TRAF3: variants seen among roughly 807,000 people sequenced by gnomAD.
TRAF3 encodes TNF receptor associated factor 3, also known as TNF receptor-associated factor 3.
Under a neutral mutation model 62.3 loss-of-function variants are expected in TRAF3, and 13 were observed. The ratio of observed to expected loss-of-function variants is 0.21; its 90% CI spans 0.14 to 0.33. The LOEUF is 0.33. Among genes scored for constraint, TRAF3 ranks in the 10% least tolerant of loss-of-function variants. The pLI is 1.00. For synonymous variants in TRAF3, 269 were observed against 283.4 expected, an observed-to-expected ratio of 0.95 and a Z score of 0.51; for missense variants, 440 against 741.8, an observed-to-expected ratio of 0.59 and a Z score of 4.73.
At chr14:102,807,670 A>C (rs1373069523) in intron 1 of TRAF3, among the ~76,000 whole-genome samples, 1 of 152,074 alleles carries the variant, frequency 6.6e-6, no homozygotes, top group Admixed American at 6.5e-5. Context: ...TTTTTCTGTC[A>C]GTTATTTTTT....
chr14:102,853,930 C>G (rs1379525572), intron 2 of TRAF3, among the ~76,000 whole-genome samples: 1 of 152,084 alleles, frequency 6.6e-6, no homozygotes, highest in Admixed American at 6.6e-5. Context: ...TACCACTAAG[C>G]AGGCACTCTC....
At chr14:102,822,309 A>G (rs1016577370) in intron 1 of TRAF3, among the ~76,000 whole-genome samples, 1 of 152,218 alleles carries the variant, frequency 6.6e-6, no homozygotes, top group East Asian at 1.9e-4. Context: ...AGTATTTACA[A>G]AAACTGAAGC....
At chr14:102,846,385 AG>A in intron 2 of TRAF3, among the ~76,000 whole-genome samples, 1 of 152,336 alleles carries the variant, frequency 6.6e-6, no homozygotes, top group Non-Finnish European at 1.5e-5. Flanking sequence ...CAAAGAAAAA[AG>A]CAAGACAAGA....
At chr14:102,837,154 G>GGA (rs1886074084) in intron 2 of TRAF3, among the ~76,000 whole-genome samples, 1 of 150,868 alleles carries the variant, frequency 6.6e-6, no homozygotes, top group Non-Finnish European at 1.5e-5. Flanking sequence ...TTTTTTTGGG[G>GGA]GGGGGTGAAG....
chr14:102,816,129 G>T (rs892593377), intron 1 of TRAF3, among the ~76,000 whole-genome samples: 15 of 151,372 alleles, frequency 9.9e-5, no homozygotes, highest in African/African-American at 3.6e-4. Context: ...AAGAAACAGG[G>T]TCTCACTCTG....
At chr14:102,871,295 A>C (rs1188949792) in intron 3 of TRAF3, among the ~76,000 whole-genome samples, 1 of 152,224 alleles carries the variant, frequency 6.6e-6, no homozygotes, top group Non-Finnish European at 1.5e-5. Context: ...ATAGTCAGCT[A>C]ACCTTTGCCC....
chr14:102,831,559 G>A (rs1290646054), intron 2 of TRAF3, among the ~76,000 whole-genome samples: 1 of 152,212 alleles, frequency 6.6e-6, no homozygotes, highest in Non-Finnish European at 1.5e-5. Context: ...CCGCCTCACT[G>A]TCCAGCTCTC....
chr14:102,867,386 A>C (rs1436143976), intron 2 of TRAF3, among the ~76,000 whole-genome samples: 2 of 152,170 alleles, frequency 1.3e-5, no homozygotes, highest in African/African-American at 2.4e-5. Flanking sequence ...TGCAGGCTGT[A>C]GTTTGCCAAT....
intron 1 of TRAF3, among the ~76,000 whole-genome samples, chr14:102,821,173 C>T (rs1169759384): frequency 1.3e-5 from 2 of 152,144 alleles, no homozygotes; most frequent in Non-Finnish European, 1.5e-5. Context: ...TATTAAGTCT[C>T]ATCTGAAAAT....
Position 102,786,641 on chromosome 14 carries a change from C to T in TRAF3, c.-157+8966C>T, listed in dbSNP as rs868518715. On this transcript the variant is annotated intron_variant, in intron 1 of 11. Coordinates refer to ENST00000392745, the MANE Select transcript of TRAF3 (RefSeq NM_145725.3). ...GGCAGAGGTTGCAGTGAGCCAAGATCGTGCCATTGCACTCCACCCTGGGCA... is the reference window on the plus strand; with the variant it reads ...GGCAGAGGTTGCAGTGAGCCAAGATTGTGCCATTGCACTCCACCCTGGGCA... Among the ~76,000 whole-genome samples, 25 of 152,040 alleles carry T rather than the reference C, an allele frequency of 1.6e-4. No individual in the cohort carries two copies. In the Middle Eastern group the frequency reaches 0.01, roughly 62 times the overall value.
chr14:102,889,234 T>C (rs1175319210), intron 7 of TRAF3, among the ~76,000 whole-genome samples: 3 of 152,260 alleles, frequency 2.0e-5, no homozygotes, highest in Non-Finnish European at 4.4e-5. Context: ...GGTCTTTAAA[T>C]GTGCATTTCA....
rs1022860690 is a variant in TRAF3, at chr14:102,876,592, G to T, written c.570+67G>T. The T allele has an allele frequency of 3.8e-6, 6 of 1,572,738 alleles. No homozygotes were observed. The African/African-American group carries it at 6.8e-5, about 18-fold the overall frequency. Reference sequence around the variant, plus strand: ...ATATGATACATTCCACAGGCCTTCCGCTCAATTCGTAGATAATCCGTTCCA... The same window carrying T: ...ATATGATACATTCCACAGGCCTTCCTCTCAATTCGTAGATAATCCGTTCCA... On this transcript the variant is annotated intron_variant, in intron 6 of 11. Transcript: ENST00000392745.
Position 102,886,131 on chromosome 14 carries a change from G to C in TRAF3, c.571-58G>C. Reference sequence around the variant, plus strand: ...CTGGGGGCCCCATGGGGATCTCAGCGGGACTGAAGGAAGACAGGTTGTGTG... The same window carrying C: ...CTGGGGGCCCCATGGGGATCTCAGCCGGACTGAAGGAAGACAGGTTGTGTG... On this transcript the variant is annotated intron_variant, in intron 6 of 11. Coordinates refer to ENST00000392745, the MANE Select transcript of TRAF3 (RefSeq NM_145725.3). The C allele has an allele frequency of 1.9e-6, 3 of 1,581,192 alleles. No homozygotes were observed. In the South Asian group the frequency reaches 3.4e-5, roughly 18 times the overall value.
chr14:102,852,289 A>G (rs2139735764), intron 2 of TRAF3, among the ~76,000 whole-genome samples: 1 of 152,262 alleles, frequency 6.6e-6, no homozygotes, highest in Non-Finnish European at 1.5e-5. Context: ...TTTAGAAAAA[A>G]TTAGCCTTTT....
intron 10 of TRAF3, among the ~76,000 whole-genome samples, chr14:102,902,111 C>A (rs1002313013): frequency 1.3e-5 from 2 of 152,386 alleles, no homozygotes; most frequent in African/African-American, 4.8e-5. Context: ...CAAATATGAG[C>A]AGCCTGTGTG....
chr14:102,814,128 A>G (rs1899367651), intron 1 of TRAF3, among the ~76,000 whole-genome samples: 1 of 152,196 alleles, frequency 6.6e-6, no homozygotes, highest in African/African-American at 2.4e-5. Flanking sequence ...ACTCTTCTGC[A>G]TATGGATATT....
In TRAF3 at chr14:102,796,141, C is replaced by T. The variant is rs563741286; in HGVS notation, c.-157+18466C>T. On this transcript the variant is annotated intron_variant, in intron 1 of 11. Coordinates refer to ENST00000392745, the MANE Select transcript of TRAF3 (RefSeq NM_145725.3). ...CTGAGGCAGGAGAATTGCTTGAACC[C>T]GGGAGGTGGAGGTTGCAGTGAGCCG... is the stretch of plus-strand genomic sequence containing the variant. Among the ~76,000 whole-genome samples the T allele has an allele frequency of 1.6e-4, 25 of 152,262 alleles. 1 individual carries two copies. The South Asian group carries it at 3.7e-3, about 23-fold the overall frequency.
chr14:102,801,576 C>G (rs925014186), intron 1 of TRAF3, among the ~76,000 whole-genome samples: 1 of 151,906 alleles, frequency 6.6e-6, no homozygotes, highest in Non-Finnish European at 1.5e-5. Flanking sequence ...ACTCTGTCAC[C>G]CAGGCTGAGG....
At chr14:102,851,781 G>T (rs1176422570) in intron 2 of TRAF3, among the ~76,000 whole-genome samples, 2 of 151,946 alleles carry the variant, frequency 1.3e-5, no homozygotes, top group East Asian at 3.9e-4. Context: ...CTCGTGGGTG[G>T]TTCGTGTAAG....
Sources: gnomAD v4.1 joint callset for allele counts (sites outside exome capture counted in the v4.1 genomes callset) on GRCh38, gnomAD v4.1.1 for gene constraint, MANE v1.5 for transcripts, NCBI Gene and HGNC (gene_info 2026-07-23, HGNC 2026-07-21) for gene names.